Variants in PIN4 observed in about 807,000 individuals in gnomAD.
PIN4 encodes the protein peptidyl-prolyl cis-trans isomerase NIMA-interacting 4.
In PIN4, 3 loss-of-function variants were observed where a neutral mutation model predicts 8.3. The ratio of observed to expected loss-of-function variants is 0.36; its 90% CI spans 0.16 to 0.93. The LOEUF is 0.93. PIN4 is among the 40% of genes least tolerant of loss of function. The pLI, the probability that PIN4 is intolerant of heterozygous loss-of-function variation, is 0.44. For missense variants in PIN4, 75 were observed against 100.6 expected (o/e 0.75, Z 1.09); for synonymous variants, 18 against 32.5 (o/e 0.55, Z 1.52).
At chrX:72,201,195 C>T (rs1253838681), downstream of PIN4, among the ~76,000 whole-genome samples, 1 of 109,530 alleles carries the variant, frequency 9.1e-6, no homozygotes, top group African/African-American at 3.3e-5. Context: ...AGAGCGAGAC[C>T]CTGTCTCAAA....
chrX:72,244,034 GA>G (rs1296512579), intron 3 of PIN4, among the ~76,000 whole-genome samples: 1 of 112,315 alleles, frequency 8.9e-6, no homozygotes, highest in Non-Finnish European at 1.9e-5. Flanking sequence ...GACAGGTGAA[GA>G]AAAGGATTAA....
intron 3 of PIN4, among the ~76,000 whole-genome samples, chrX:72,251,362 C>CAAAAAAAAAAAAAAAAAAAAA (rs35914181): frequency 1.8e-3 from 116 of 65,570 alleles, no homozygotes; most frequent in Non-Finnish European, 2.2e-3. Flanking sequence ...GACTCTGTCT[C>CAAAAAAAAAAAAAAAAAAAAA]AAAAAAAAAA....
chrX:72,224,941 C>T (rs958812306), intron 3 of PIN4, among the ~76,000 whole-genome samples: 11 of 111,163 alleles, frequency 9.9e-5, no homozygotes, highest in Non-Finnish European at 2.1e-4. Context: ...CCATCATCTA[C>T]TGACTTTTGG....
At chrX:72,249,896 T>A (rs1177750022) in intron 3 of PIN4, among the ~76,000 whole-genome samples, 1 of 111,006 alleles carries the variant, frequency 9.0e-6, no homozygotes, top group Admixed American at 9.7e-5. Context: ...TGTGGGTAAA[T>A]TATGCCTAAA....
chrX:72,221,255 T>C (rs1251449989), intron 3 of PIN4, among the ~76,000 whole-genome samples: 1 of 111,834 alleles, frequency 8.9e-6, no homozygotes, highest in Non-Finnish European at 1.9e-5. Context: ...ACATCCAACA[T>C]TGGACACTAA....
chrX:72,225,913 A>G (rs1392808939), intron 3 of PIN4, among the ~76,000 whole-genome samples: 1 of 111,721 alleles, frequency 9.0e-6, no homozygotes, highest in Non-Finnish European at 1.9e-5. Flanking sequence ...CCCATTTACA[A>G]AGGTTGGCCC....
At chrX:72,208,565 C>G in intron 3 of PIN4, 3 of 1,211,819 alleles carry the variant, frequency 2.5e-6, no homozygotes, top group Non-Finnish European at 3.4e-6. Context: ...GCCAACTCCT[C>G]CAAGGCTTCC....
At chrX:72,237,344 A>C (rs1169037394) in intron 3 of PIN4, among the ~76,000 whole-genome samples, 2 of 111,121 alleles carry the variant, frequency 1.8e-5, no homozygotes, top group African/African-American at 3.3e-5. Context: ...TAAAAACACA[A>C]AAAAAATACT....
Position 72,263,127 on chromosome X carries a change from CT to C in PIN4, c.*332del, listed in dbSNP as rs1310026472. 2.0e-5 allele frequency: 3 copies of C among 148,646 alleles called. No individual in the cohort carries two copies. The Admixed American group carries it at 2.4e-4, about 12-fold the overall frequency. 12.3% of individuals were successfully genotyped at this position (148,646 alleles called of 1,213,427 possible). ...TGAGCCTTATGCACCTCACAGTCTCCTGGGGGAGACAGCCAAATAGACAATT... is the reference window on the plus strand; with the variant it reads ...TGAGCCTTATGCACCTCACAGTCTCCGGGGGAGACAGCCAAATAGACAATT... On this transcript the variant is annotated 3_prime_UTR_variant, in exon 4 of 4. Coordinates refer to the PIN4 transcript ENST00000423432.
intron 3 of PIN4, among the ~76,000 whole-genome samples, chrX:72,243,731 T>A (rs1452014720): frequency 8.9e-6 from 1 of 112,344 alleles, no homozygotes; most frequent in Non-Finnish European, 1.9e-5. Context: ...AATGGAGAGA[T>A]GGATGAGGCC....
chrX:72,223,995 G>A (rs1317809569), intron 3 of PIN4, among the ~76,000 whole-genome samples: 1 of 111,045 alleles, frequency 9.0e-6, no homozygotes, highest in Non-Finnish European at 1.9e-5. Context: ...AGCCCTGTGA[G>A]GCCCCCTGAC....
At chrX:72,219,378 A>G (rs1191565224) in intron 3 of PIN4, among the ~76,000 whole-genome samples, 1 of 101,313 alleles carries the variant, frequency 9.9e-6, no homozygotes, top group Middle Eastern at 6.4e-3. Context: ...ACATGGTGAA[A>G]CCCCATCTCT....
chrX:72,231,598 C>T (rs993755924), intron 3 of PIN4, among the ~76,000 whole-genome samples: 1 of 110,210 alleles, frequency 9.1e-6, no homozygotes, highest in Non-Finnish European at 1.9e-5. Flanking sequence ...GTCACCCAGC[C>T]TGGAGTGCAG....
At chrX:72,238,940 G>C (rs947868433) in intron 3 of PIN4, 15 of 1,166,031 alleles carry the variant, frequency 1.3e-5, no homozygotes, top group Non-Finnish European at 1.6e-5. Context: ...CAGTTACCCC[G>C]GCGGGAGTTT....
intron 3 of PIN4, among the ~76,000 whole-genome samples, chrX:72,242,070 C>T (rs1170797365): frequency 9.0e-6 from 1 of 111,588 alleles, no homozygotes; most frequent in Non-Finnish European, 1.9e-5. Flanking sequence ...CATCATCGCT[C>T]ATATCCGGGG....
At chrX:72,238,274 C>T (rs1000698302) in intron 3 of PIN4, among the ~76,000 whole-genome samples, 3 of 111,710 alleles carry the variant, frequency 2.7e-5, no homozygotes, top group Non-Finnish European at 3.8e-5. Flanking sequence ...TACCACGCCC[C>T]CCACCCTTAG....
intron 3 of PIN4, among the ~76,000 whole-genome samples, chrX:72,232,208 G>A (rs2042987373): frequency 9.8e-6 from 1 of 101,841 alleles, no homozygotes; most frequent in Non-Finnish European, 2.0e-5. Flanking sequence ...AAATGTGAAA[G>A]TTCTCAGCAC....
intron 3 of PIN4, among the ~76,000 whole-genome samples, chrX:72,261,259 C>T (rs1362287983): frequency 9.8e-6 from 1 of 102,490 alleles, no homozygotes; most frequent in East Asian, 3.3e-4. Flanking sequence ...CGTGCCATTG[C>T]ACTCCAGCTT....
At chrX:72,235,797 A>G (rs2147606928) in intron 3 of PIN4, among the ~76,000 whole-genome samples, 1 of 111,940 alleles carries the variant, frequency 8.9e-6, no homozygotes, top group African/African-American at 3.2e-5. Context: ...CCTCTCTACC[A>G]TATGAGGGTA....
Sources: gnomAD v4.1 joint callset for allele counts (sites outside exome capture counted in the v4.1 genomes callset) on GRCh38, gnomAD v4.1.1 for gene constraint, MANE v1.5 for transcripts, NCBI Gene and HGNC (gene_info 2026-07-23, HGNC 2026-07-21) for gene names.